PRKN: variants seen among roughly 807,000 people sequenced by gnomAD.
PRKN encodes parkin RBR E3 ubiquitin protein ligase.
PRKN carries 56 observed loss-of-function variants against 59.5 expected under a neutral mutation model. The ratio of observed to expected loss-of-function variants is 0.94; its 90% confidence interval spans 0.76 to 1.18. The LOEUF (loss-of-function observed/expected upper bound fraction) is 1.18. PRKN is among the 50% of genes most tolerant of loss of function. The pLI, the probability that PRKN is intolerant of heterozygous loss-of-function variation, is 0.00. For synonymous variants in PRKN, 250 were observed against 222.1 expected, an observed-to-expected ratio of 1.13 and a Z score of -1.12; for missense variants, 657 against 596.4, an observed-to-expected ratio of 1.10 and a Z score of -1.06.
chr6:161,360,179 G>C lies in PRKN; in HGVS notation c.1194C>G (p.Ala398=), dbSNP rs372141916. 6.2e-7 allele frequency: 1 copy of C among 1,614,150 alleles called. No homozygotes were observed. The highest frequency in any genetic ancestry group is 2.2e-5 in the East Asian group (1 of 44,882). Residue 398 remains alanine (A), a synonymous_variant, in exon 11 of 12, where the codon GCC becomes GCG. Transcript: ENST00000366898. The surrounding 1 kb of genome is among the most constrained non-coding windows in gnomAD (Gnocchi z 5.1). ...AGGCTGCTTCCCAACGAGCCTGCTC[G>C]GCGGCTCTTTCATCGACTCTGTAGG... The part of the protein sequence containing the change: ...TQAYRVDERA[A]EQARWEAASK...
At chr6:162,249,551 T>A (rs763984071) in intron 3 of PRKN, among the ~76,000 whole-genome samples, 2 of 152,172 alleles carry the variant, frequency 1.3e-5, no homozygotes, top group Admixed American at 6.6e-5. Flanking sequence ...CCAATTTATA[T>A]ATACAGTGCA....
At chr6:161,492,225 T>A (rs79154118) in intron 9 of PRKN, among the ~76,000 whole-genome samples, 3,864 of 152,304 alleles carry the variant, frequency 0.025, 159 homozygotes, top group African/African-American at 0.088. Flanking sequence ...CCTCAGTAAC[T>A]TTGCCAATGA....
intron 1 of PRKN, chr6:162,568,639 G>A (rs1780186662): frequency 8.6e-6 from 8 of 927,900 alleles, no homozygotes; most frequent in South Asian, 3.9e-5. Context: ...GGCAAGGTAC[G>A]GTTCCTGGAG....
intron 1 of PRKN, among the ~76,000 whole-genome samples, chr6:162,447,388 T>C (rs1055962975): frequency 2.6e-5 from 4 of 152,170 alleles, no homozygotes; most frequent in Non-Finnish European, 2.9e-5. Flanking sequence ...TAATTACATA[T>C]GAAAAGCTTG....
intron 1 of PRKN, among the ~76,000 whole-genome samples, chr6:162,668,737 G>A (rs563016800): frequency 4.9e-4 from 75 of 152,306 alleles, no homozygotes; most frequent in African/African-American, 1.8e-3. Flanking sequence ...CTGTGGCCTC[G>A]ATGAGTGGGT....
At chr6:162,467,826 G>A (rs1193821967) in intron 1 of PRKN, among the ~76,000 whole-genome samples, 4 of 151,764 alleles carry the variant, frequency 2.6e-5, no homozygotes, top group Admixed American at 6.6e-5. Flanking sequence ...CCGCTACGCC[G>A]CCCACCGAGC....
intron 9 of PRKN, among the ~76,000 whole-genome samples, chr6:161,426,055 T>G (rs1788339173): frequency 6.6e-6 from 1 of 151,710 alleles, no homozygotes. Context: ...GCCTCCCAAG[T>G]GGTTAAGGGG....
chr6:162,645,056 TAATA>T (rs753004828), intron 1 of PRKN, among the ~76,000 whole-genome samples: 22 of 152,302 alleles, frequency 1.4e-4, no homozygotes, highest in Non-Finnish European at 2.2e-4. Flanking sequence ...CGTGGCTTAT[TAATA>T]GAGTATCTAC....
chr6:162,046,378 T>C (rs1160175125), intron 5 of PRKN, among the ~76,000 whole-genome samples: 2 of 152,238 alleles, frequency 1.3e-5, no homozygotes, highest in South Asian at 2.1e-4. Context: ...GAACAGAAGA[T>C]CGCAGATCAT....
chr6:162,135,746 G>GGTGAAAT lies in PRKN; in HGVS notation c.534+65384_534+65385insATTTCAC, dbSNP rs528621137. 1.8e-4 allele frequency among the ~76,000 whole-genome samples: 28 copies of GGTGAAAT among 152,206 alleles called. No individual in the cohort carries two copies. In the South Asian group the frequency reaches 3.7e-3, roughly 20 times the overall value. ...AGAAGGTGAAAGGTGAAAGGTGAAA[G>GGTGAAAT]GCTGAAGGAATGGGGGAGGGGAGGG... On this transcript the variant is annotated intron_variant, in intron 4 of 11. Transcript: ENST00000366898.
At chr6:161,732,377 C>T (rs1247098279) in intron 7 of PRKN, among the ~76,000 whole-genome samples, 1 of 152,048 alleles carries the variant, frequency 6.6e-6, no homozygotes, top group African/African-American at 2.4e-5. Context: ...TGGTCCTCTC[C>T]CTCATCCCAC....
chr6:162,460,224 G>C (rs1791087356), intron 1 of PRKN, among the ~76,000 whole-genome samples: 1 of 152,114 alleles, frequency 6.6e-6, no homozygotes, highest in Non-Finnish European at 1.5e-5. Context: ...CCACAACCTG[G>C]GTGAACCTTG....
chr6:162,683,043 T>A (rs1457647919), intron 1 of PRKN, among the ~76,000 whole-genome samples: 2 of 152,194 alleles, frequency 1.3e-5, no homozygotes, highest in African/African-American at 2.4e-5. Flanking sequence ...ATAATTGTTA[T>A]TTTTACTTTC....
Position 161,376,212 on chromosome 6 carries a change from G to T in PRKN, c.1167+10582C>A, listed in dbSNP as rs1406250322. Among the ~76,000 whole-genome samples, 1 of 152,136 alleles carries T rather than the reference G, an allele frequency of 6.6e-6. No homozygotes were observed. ...TGTAACTCTGAAGGGGTGGGTGTGG[G>T]TGTGGGGAGCATGGATAAGGGGCAG... On this transcript the variant is annotated intron_variant, in intron 10 of 11. Coordinates refer to ENST00000366898, the MANE Select transcript of PRKN (RefSeq NM_004562.3). The surrounding 1 kb of genome is among the most constrained non-coding windows in gnomAD (Gnocchi z 7.3).
chr6:162,439,124 C>T (rs1322766576), intron 2 of PRKN, among the ~76,000 whole-genome samples: 1 of 152,154 alleles, frequency 6.6e-6, no homozygotes, highest in Non-Finnish European at 1.5e-5. Context: ...AGAGGCTCTC[C>T]ACTCAGCCTT....
Position 162,692,291 on chromosome 6 carries a change from C to A in PRKN, c.7+35371G>T, listed in dbSNP as rs566507008. On this transcript the variant is annotated intron_variant, in intron 1 of 11. Coordinates refer to ENST00000366898, the MANE Select transcript of PRKN (RefSeq NM_004562.3). ...CTTAGCAGTCTTGAGGTTTTCAAAC[C>A]ACACACATTCTAAAGAAAAGAAAAG... is the stretch of plus-strand genomic sequence containing the variant. Among the ~76,000 whole-genome samples the A allele has an allele frequency of 5.9e-5, 9 of 152,066 alleles. No homozygotes were observed. The South Asian group carries it at 1.7e-3, about 28-fold the overall frequency.
chr6:161,743,383 C>CTTTTTTAT (rs1562648790), intron 7 of PRKN, among the ~76,000 whole-genome samples: 1 of 110,420 alleles, frequency 9.1e-6, no homozygotes, highest in South Asian at 2.9e-4. Flanking sequence ...CCACATCCAG[C>CTTTTTTAT]TTTTTTATTT....
intron 7 of PRKN, among the ~76,000 whole-genome samples, chr6:161,709,811 C>T (rs4708923): frequency 0.45 from 69,123 of 151,994 alleles, 16,126 homozygotes; most frequent in Admixed American, 0.61. Flanking sequence ...ACATCTAAGA[C>T]AAAGTTTAAG....
At chr6:161,491,636 C>CTT (rs35912732) in intron 9 of PRKN, among the ~76,000 whole-genome samples, 131 of 148,558 alleles carry the variant, frequency 8.8e-4, no homozygotes, top group African/African-American at 3.1e-3. Flanking sequence ...ACTTAACTTC[C>CTT]TTTTTTTTTT....
Sources: allele counts gnomAD v4.1 joint callset (sites outside exome capture counted in the v4.1 genomes callset), GRCh38; gene constraint gnomAD v4.1.1; non-coding constraint Gnocchi (gnomAD v3.1); transcripts MANE v1.5; gene names NCBI Gene and HGNC (gene_info 2026-07-23, HGNC 2026-07-21).